Variants in TMC1 observed in about 807,000 individuals in gnomAD.
TMC1 encodes the protein transmembrane channel-like protein 1.
TMC1 carries 84 observed loss-of-function variants against 105.8 expected under a neutral mutation model. The observed-to-expected ratio is 0.79, with a 90% CI of 0.67 to 0.95. The LOEUF (loss-of-function observed/expected upper bound fraction) is 0.95, where lower values mean the gene tolerates loss of function less well. TMC1 is among the 40% of genes least tolerant of loss of function. The pLI is 0.00. For missense variants in TMC1, 817 were observed against 914.1 expected (o/e 0.89, Z 1.37); for synonymous variants, 315 against 311.5 (o/e 1.01, Z -0.12).
At chr9:72,819,909 T>C (rs1828841752) in intron 19 of TMC1, among the ~76,000 whole-genome samples, 1 of 152,240 alleles carries the variant, frequency 6.6e-6, no homozygotes. Context: ...TATATTGATT[T>C]ATGGTGCTAA....
intron 5 of TMC1, among the ~76,000 whole-genome samples, chr9:72,685,725 A>G (rs1826370049): frequency 2.0e-5 from 3 of 152,124 alleles, no homozygotes; most frequent in Admixed American, 1.3e-4. Context: ...ATTTTCTTTT[A>G]CTGTCTACAA....
At chr9:72,759,989 A>G (rs1827730954) in intron 12 of TMC1, among the ~76,000 whole-genome samples, 1 of 152,142 alleles carries the variant, frequency 6.6e-6, no homozygotes, top group South Asian at 2.1e-4. Flanking sequence ...TTTGGGCCCC[A>G]TTTTAATCTT....
In TMC1 at chr9:72,836,473, TTC is replaced by T. The variant is rs1829128029; in HGVS notation, c.*504_*505del. The T allele has an allele frequency of 6.3e-6, 1 of 159,582 alleles. No individual in the cohort carries two copies. The highest frequency in any genetic ancestry group is 1.4e-5 in the Non-Finnish European group (1 of 72,350). The allele number at this position is 159,582 out of a possible 1,614,324, so 9.9% of individuals were successfully genotyped here. ...CACTTTTTGAAACCAATACCTTATT[TTC>T]TCTTTTTTTCTACCTGTCTCCCCAA... On this transcript the variant is annotated 3_prime_UTR_variant, in exon 24 of 24. Transcript: ENST00000297784.
At chr9:72,786,031 G>A (rs894079506) in intron 13 of TMC1, among the ~76,000 whole-genome samples, 1 of 152,240 alleles carries the variant, frequency 6.6e-6, no homozygotes, top group African/African-American at 2.4e-5. Context: ...TGTTGGTTTA[G>A]GATTTAAAGA....
At chr9:72,594,991 G>A (rs867776674) in intron 2 of TMC1, among the ~76,000 whole-genome samples, 4 of 151,790 alleles carry the variant, frequency 2.6e-5, no homozygotes, top group South Asian at 2.1e-4. Flanking sequence ...TCAGCCTTCC[G>A]AGTAGGTGGT....
At chr9:72,608,350 G>T (rs146026061) in intron 2 of TMC1, among the ~76,000 whole-genome samples, 1 of 152,296 alleles carries the variant, frequency 6.6e-6, no homozygotes, top group African/African-American at 2.4e-5. Flanking sequence ...CCTAGAAAAA[G>T]AAATGAATTT....
At position 72,561,036 on chromosome 9, in the gene TMC1, G is replaced by A. The variant is rs921185574; in HGVS notation, c.-427-16866G>A. Among the ~76,000 whole-genome samples the A allele has an allele frequency of 8.6e-5, 13 of 151,876 alleles. 1 individual carries two copies. The highest frequency in any genetic ancestry group is 5.8e-4 in the East Asian group (3 of 5,140). Reference sequence around the variant, plus strand: ...TGGACAATTAAAGAGAGAAAAGGCCGGGCGCGGTGGCCCATGCCTGTAATC... The same window carrying A: ...TGGACAATTAAAGAGAGAAAAGGCCAGGCGCGGTGGCCCATGCCTGTAATC... On this transcript the variant is annotated intron_variant, in intron 1 of 23. Transcript: ENST00000297784.
intron 11 of TMC1, among the ~76,000 whole-genome samples, chr9:72,753,397 G>A (rs539971544): frequency 2.7e-5 from 4 of 149,988 alleles, no homozygotes; most frequent in Admixed American, 6.7e-5. Context: ...TATAAATGGA[G>A]TTTTATCAGC....
chr9:72,619,687 T>A (rs1307865676), intron 3 of TMC1, among the ~76,000 whole-genome samples: 1 of 151,764 alleles, frequency 6.6e-6, no homozygotes, highest in Non-Finnish European at 1.5e-5. Flanking sequence ...ATTAATATAT[T>A]TTATAAAAAC....
chr9:72,737,442 A>G (rs1588057236), intron 8 of TMC1, among the ~76,000 whole-genome samples: 1 of 152,284 alleles, frequency 6.6e-6, no homozygotes, highest in Non-Finnish European at 1.5e-5. Context: ...GTTTTCTGGG[A>G]AATCTTGACC....
intron 7 of TMC1, among the ~76,000 whole-genome samples, chr9:72,696,197 C>T (rs1316867590): frequency 6.6e-6 from 1 of 152,150 alleles, no homozygotes; most frequent in African/African-American, 2.4e-5. Context: ...CTCATGGCAA[C>T]TGCTCAACTT....
At position 72,792,240 on chromosome 9, in the gene TMC1, A is replaced by T; in HGVS notation, c.1454A>T (p.Asn485Ile). 1 of 1,614,168 alleles carries T rather than the reference A, an allele frequency of 6.2e-7. No homozygotes were observed. Among genetic ancestry groups the T allele is most frequent in the Non-Finnish European group, 8.5e-7 (1 of 1,180,026 alleles). Residue 485 changes from asparagine (N) to isoleucine (I), a missense_variant, in exon 17 of 24, where the codon AAT becomes ATT. By Grantham distance (149) the Asn-to-Ile change is moderately radical (BLOSUM62 -3). Coordinates refer to ENST00000297784, the MANE Select transcript of TMC1 (RefSeq NM_138691.3). Reference sequence around the variant, plus strand: ...GCCAATATTACCCTTTGGGAAGCCAATATGATCAAGGCCTACAATGCATCA... The same window carrying T: ...GCCAATATTACCCTTTGGGAAGCCATTATGATCAAGGCCTACAATGCATCA... ...VKANITLWEA[N>I]MIKAYNASFS... is the part of the protein sequence containing the mutation.
intron 1 of TMC1, among the ~76,000 whole-genome samples, chr9:72,570,533 A>T (rs7033802): frequency 0.3 from 46,126 of 151,656 alleles, 8,005 homozygotes; most frequent in African/African-American, 0.45. Context: ...ATTTTATGGG[A>T]TCTTAGTATT....
intron 7 of TMC1, among the ~76,000 whole-genome samples, chr9:72,696,120 C>CA (rs1826546833): frequency 6.6e-6 from 1 of 152,000 alleles, no homozygotes; most frequent in African/African-American, 2.4e-5. Flanking sequence ...ATTTATGCCG[C>CA]AAAAAAATCC....
At chr9:72,609,545 A>C (rs1824987937) in intron 2 of TMC1, among the ~76,000 whole-genome samples, 1 of 107,244 alleles carries the variant, frequency 9.3e-6, no homozygotes, top group Non-Finnish European at 1.9e-5. Flanking sequence ...CTGTCTCAAA[A>C]TAACAACAAC....
intron 10 of TMC1, among the ~76,000 whole-genome samples, chr9:72,743,119 GC>G (rs1827419586): frequency 6.6e-6 from 1 of 152,042 alleles, no homozygotes. Flanking sequence ...TGTAATCCCA[GC>G]ACTTTGGGAG....
At chr9:72,629,625 T>C (rs1007219857) in intron 4 of TMC1, among the ~76,000 whole-genome samples, 8 of 152,100 alleles carry the variant, frequency 5.3e-5, no homozygotes, top group African/African-American at 1.9e-4. Context: ...CAAAAGACAC[T>C]TGAGATAAAG....
chr9:72,668,388 C>T (rs1233276665), intron 5 of TMC1, among the ~76,000 whole-genome samples: 1 of 152,142 alleles, frequency 6.6e-6, no homozygotes, highest in Non-Finnish European at 1.5e-5. Context: ...ACCACACAGC[C>T]CCTCTTAGTG....
chr9:72,758,595 C>CT (rs1326733156), intron 12 of TMC1, among the ~76,000 whole-genome samples: 1 of 152,092 alleles, frequency 6.6e-6, no homozygotes, highest in Non-Finnish European at 1.5e-5. Context: ...TGGTAGAGAT[C>CT]AGACGCCACA....
Sources: gnomAD v4.1 joint callset for allele counts (sites outside exome capture counted in the v4.1 genomes callset) on GRCh38, gnomAD v4.1.1 for gene constraint, MANE v1.5 for transcripts, NCBI Gene and HGNC (gene_info 2026-07-23, HGNC 2026-07-21) for gene names.